The following CNTN5 variants were observed in gnomAD, a reference collection of about 807,000 sequenced individuals.
The protein encoded by CNTN5 is contactin-5.
A neutral mutation model predicts 129.1 loss-of-function variants in CNTN5; 77 were observed. The observed-to-expected ratio is 0.60, with a 90% CI of 0.50 to 0.72. The LOEUF is 0.72. Among genes scored for constraint, CNTN5 ranks in the 30% least tolerant of loss-of-function variants. The pLI is 0.00. For missense variants in CNTN5, 1,478 were observed against 1,328.8 expected (o/e 1.11, Z -1.75); for synonymous variants, 509 against 465.6 (o/e 1.09, Z -1.20).
chr11:100,201,511 C>T (rs527984612), intron 15 of CNTN5, among the ~76,000 whole-genome samples: 1 of 151,930 alleles, frequency 6.6e-6, no homozygotes, highest in East Asian at 1.9e-4. Flanking sequence ...TGCCTAATAA[C>T]CATCTTTTCT....
At chr11:99,692,390 C>T (rs559980143) in intron 3 of CNTN5, among the ~76,000 whole-genome samples, 11 of 152,116 alleles carry the variant, frequency 7.2e-5, no homozygotes, top group East Asian at 3.9e-4. Flanking sequence ...TTTTCTTTTC[C>T]GTGTTTAGTG....
chr11:100,336,436 A>G (rs1044810297), intron 21 of CNTN5, among the ~76,000 whole-genome samples: 1 of 152,226 alleles, frequency 6.6e-6, no homozygotes, highest in East Asian at 1.9e-4. Flanking sequence ...ATATTTCTAT[A>G]TAAGAGAATG....
At chr11:99,221,210 ACT>A (rs1002657204) in intron 1 of CNTN5, among the ~76,000 whole-genome samples, 3 of 151,748 alleles carry the variant, frequency 2.0e-5, no homozygotes, top group African/African-American at 7.3e-5. Context: ...TTTATGAATC[ACT>A]CTATATTTTT....
chr11:99,668,980 TCAC>T (rs1001963006), intron 3 of CNTN5, among the ~76,000 whole-genome samples: 5 of 152,158 alleles, frequency 3.3e-5, no homozygotes, highest in Admixed American at 3.3e-4. Context: ...TGATTTTCTA[TCAC>T]CACAAGACTA....
intron 8 of CNTN5, among the ~76,000 whole-genome samples, chr11:99,957,669 C>CA (rs35420563): frequency 0.26 from 39,777 of 151,888 alleles, 6,243 homozygotes; most frequent in South Asian, 0.35. Context: ...TGTCATGCAG[C>CA]AAAAAATCTA....
At chr11:100,130,982 T>C (rs1428767022) in intron 13 of CNTN5, among the ~76,000 whole-genome samples, 1 of 152,152 alleles carries the variant, frequency 6.6e-6, no homozygotes, top group Non-Finnish European at 1.5e-5. Flanking sequence ...GATCGGTTGT[T>C]ATGTAACATT....
rs373887167 is a variant in CNTN5 at position 99,330,977 on chromosome 11, CAT to C, written c.-71+5495_-71+5496del. Among the ~76,000 whole-genome samples the C allele has an allele frequency of 8.9e-4, 136 of 152,076 alleles. 1 individual carries two copies. Among genetic ancestry groups the C allele is most frequent in the African/African-American group, 3.2e-3 (131 of 41,494 alleles). ...ACACACACATTCAGACACACACACA[CAT>C]ACACACACAAACACAAATATATATA... On this transcript the variant is annotated intron_variant, in intron 2 of 24. Transcript: ENST00000524871.
At chr11:99,776,386 C>T (rs1005934522) in intron 3 of CNTN5, among the ~76,000 whole-genome samples, 2 of 151,914 alleles carry the variant, frequency 1.3e-5, no homozygotes, top group East Asian at 3.9e-4. Context: ...AATTTCAACA[C>T]ACCATTTATA....
At chr11:99,643,887 T>G (rs529021034) in intron 3 of CNTN5, among the ~76,000 whole-genome samples, 1 of 152,178 alleles carries the variant, frequency 6.6e-6, no homozygotes, top group African/African-American at 2.4e-5. Context: ...TATTAACTTT[T>G]TGAAACAATA....
intron 3 of CNTN5, among the ~76,000 whole-genome samples, chr11:99,719,602 A>G (rs75434221): frequency 1.9e-3 from 290 of 152,166 alleles, no homozygotes; most frequent in African/African-American, 6.5e-3. Flanking sequence ...AAAGATCTCA[A>G]ATTAACAACC....
At chr11:99,573,568 C>T (rs966782820) in intron 3 of CNTN5, among the ~76,000 whole-genome samples, 1 of 126,364 alleles carries the variant, frequency 7.9e-6, no homozygotes, top group African/African-American at 2.9e-5. Flanking sequence ...AGTGAGACTC[C>T]GTCTCAAAAA....
At chr11:99,923,753 G>GTCTATCTATCTATCTATCTATCTA (rs1353477282) in intron 7 of CNTN5, among the ~76,000 whole-genome samples, 7 of 116,300 alleles carry the variant, frequency 6.0e-5, no homozygotes, top group Non-Finnish European at 5.4e-5. Context: ...TAATCTATCT[G>GTCTATCTATCTATCTATCTATCTA]TCTGTCTATC....
intron 3 of CNTN5, among the ~76,000 whole-genome samples, chr11:99,595,103 C>A (rs1565332316): frequency 6.6e-6 from 1 of 151,960 alleles, no homozygotes; most frequent in African/African-American, 2.4e-5. Context: ...TCAATGGGTA[C>A]AAAGTTAGTT....
At chr11:99,961,950 C>T (rs1167376432) in intron 8 of CNTN5, among the ~76,000 whole-genome samples, 8 of 151,368 alleles carry the variant, frequency 5.3e-5, no homozygotes, top group Non-Finnish European at 1.0e-4. Flanking sequence ...GCAAAATTTT[C>T]GATATATACG....
chr11:100,276,873 G>C (rs1950524649), intron 18 of CNTN5, among the ~76,000 whole-genome samples: 3 of 151,120 alleles, frequency 2.0e-5, no homozygotes, highest in African/African-American at 7.3e-5. Flanking sequence ...TTTTACTATA[G>C]TCACCCTGTT....
At chr11:99,975,042 T>C (rs1048444923) in intron 8 of CNTN5, among the ~76,000 whole-genome samples, 1 of 152,254 alleles carries the variant, frequency 6.6e-6, no homozygotes, top group African/African-American at 2.4e-5. Flanking sequence ...TTCATATGTA[T>C]AAATAGCTGC....
chr11:100,225,039 T>C (rs969817113), intron 16 of CNTN5: 1 of 345,652 alleles, frequency 2.9e-6, no homozygotes, highest in Non-Finnish European at 5.4e-6. Flanking sequence ...AAAACACCTT[T>C]AGTAGTAAGT....
At chr11:100,144,369 C>A (rs1946786937) in intron 13 of CNTN5, among the ~76,000 whole-genome samples, 2 of 152,068 alleles carry the variant, frequency 1.3e-5, no homozygotes, top group Non-Finnish European at 2.9e-5. Flanking sequence ...GCCTTTCTCT[C>A]CTGCTTTCCT....
intron 7 of CNTN5, among the ~76,000 whole-genome samples, chr11:99,947,418 G>A (rs1950576932): frequency 6.6e-6 from 1 of 151,406 alleles, no homozygotes; most frequent in East Asian, 1.9e-4. Flanking sequence ...TTCAGTGCCT[G>A]TTGATAAATA....
Sources: allele counts gnomAD v4.1 joint callset (sites outside exome capture counted in the v4.1 genomes callset), GRCh38; gene constraint gnomAD v4.1.1; transcripts MANE v1.5; gene names NCBI Gene and HGNC (gene_info 2026-07-23, HGNC 2026-07-21).